EXOC3L4: variants seen among roughly 807,000 people sequenced by gnomAD.
EXOC3L4 encodes the protein exocyst complex component 3-like protein 4.
EXOC3L4 carries 62 observed loss-of-function variants against 69.7 expected under a neutral mutation model. The ratio of observed to expected loss-of-function variants is 0.89; its 90% CI spans 0.72 to 1.10. The LOEUF is 1.10. Among genes scored for constraint, EXOC3L4 ranks in the 50% least tolerant of loss-of-function variants. The pLI is 0.00. For missense variants in EXOC3L4, 1,087 were observed against 1,034.8 expected (o/e 1.05, Z -0.69); for synonymous variants, 502 against 464.2 (o/e 1.08, Z -1.05).
rs545179609 is a variant in EXOC3L4, at chr14:103,097,685, T to G, written c.-16-2519T>G. 2.0e-5 allele frequency among the ~76,000 whole-genome samples: 3 copies of G among 152,248 alleles called. No homozygotes were observed. The highest frequency in any genetic ancestry group is 6.5e-5 in the Admixed American group (1 of 15,298). On this transcript the variant is annotated intron_variant, in intron 1 of 11. Coordinates refer to ENST00000688303, the MANE Select transcript of EXOC3L4 (RefSeq NM_001077594.2). This position sits in a 1 kb window ranked among gnomAD's most constrained non-coding sequence, Gnocchi z 4.9. Reference sequence around the variant, plus strand: ...CACAGGGACAGTGCCGAGTACCCACTGAGCAGATAGATGGTGACGGCCGGT... The same window carrying G: ...CACAGGGACAGTGCCGAGTACCCACGGAGCAGATAGATGGTGACGGCCGGT...
chr14:103,102,382 C>T lies in EXOC3L4; in HGVS notation c.659C>T (p.Ala220Val), dbSNP rs563565267. The change falls in exon 3 of 12, where the codon GCG (alanine) becomes GTG (valine). Residue 220 changes from alanine (A) to valine (V), a missense_variant. By Grantham distance (64) the Ala-to-Val change is moderately conservative. Coordinates refer to ENST00000688303, the MANE Select transcript of EXOC3L4 (RefSeq NM_001077594.2). ...ALAELARVVS[A>V]EEEAHPSPPD... ...GCCGAGCTGGCCCGCGTGGTGAGCG[C>T]GGAGGAGGAAGCCCACCCTTCTCCC... The T allele has an allele frequency of 1.9e-6, 3 of 1,558,072 alleles. No individual in the cohort carries two copies. Among genetic ancestry groups the T allele is most frequent in the African/African-American group, 2.7e-5 (2 of 73,188 alleles).
intron 1 of EXOC3L4, among the ~76,000 whole-genome samples, chr14:103,095,320 C>A (rs1166099299): frequency 6.6e-6 from 1 of 152,234 alleles, no homozygotes; most frequent in African/African-American, 2.4e-5. Flanking sequence ...CCTTGCGGGT[C>A]TCCTGGTCTC....
intron 5 of EXOC3L4, 104 bp from the exon 6 acceptor site, chr14:103,104,634 C>CAGGCACAGCGGGGCGGGCTGG (rs1332664386): frequency 2.7e-5 from 34 of 1,272,694 alleles, no homozygotes; most frequent in Non-Finnish European, 3.2e-5. Context: ...CCAAGACTGA[C>CAGGCACAGCGGGGCGGGCTGG]AGGCACAGCG....
intron 4 of EXOC3L4, 76 bp from the exon 5 acceptor site, chr14:103,104,191 A>T (rs1890394795): frequency 6.9e-7 from 1 of 1,456,328 alleles, no homozygotes; most frequent in East Asian, 2.7e-5. Context: ...GTGACCCGAC[A>T]GGGCGGCCCT....
At chr14:103,104,103 C>G (rs1445489825) in intron 4 of EXOC3L4, 51 bp downstream of exon 4, 1 of 1,474,024 alleles carries the variant, frequency 6.8e-7, no homozygotes, top group Admixed American at 2.4e-5. Flanking sequence ...GGGGCGGGCC[C>G]TGGGGGGATG....
In EXOC3L4 at chr14:103,107,689, G is replaced by T. The variant is rs1410226984; in HGVS notation, c.1760G>T (p.Arg587Met). ...VVREYLARALRPRERFRGMER... is the reference protein window; with the variant it reads ...VVREYLARALMPRERFRGMER... ...CGCGAGTACCTGGCGCGGGCGCTGAGGCCACGGGAGCGGTTCCGGGGCATG... is the reference window on the plus strand; with the variant it reads ...CGCGAGTACCTGGCGCGGGCGCTGATGCCACGGGAGCGGTTCCGGGGCATG... Residue 587 changes from arginine to methionine, a missense_variant, in exon 10 of 12, where the codon AGG becomes ATG. Coordinates refer to ENST00000688303, the MANE Select transcript of EXOC3L4 (RefSeq NM_001077594.2). The T allele has an allele frequency of 6.4e-7, 1 of 1,557,214 alleles. No individual in the cohort carries two copies. Among genetic ancestry groups the T allele is most frequent in the Non-Finnish European group, 8.7e-7 (1 of 1,149,850 alleles).
chr14:103,108,876 C>T lies in EXOC3L4; in HGVS notation c.1976+359C>T, dbSNP rs983964157. 1.5e-4 allele frequency among the ~76,000 whole-genome samples: 23 copies of T among 152,028 alleles called. 1 individual carries two copies. Among genetic ancestry groups the T allele is most frequent in the Admixed American group, 1.4e-3 (22 of 15,276 alleles). ...TTGATCCCGGGTTGTGCTGGGGGGT[C>T]GGTGAGTCATCCAAGCCTTTGGAAA... On this transcript the variant is annotated intron_variant, in intron 11 of 11. Coordinates refer to ENST00000688303, the MANE Select transcript of EXOC3L4 (RefSeq NM_001077594.2).
chr14:103,104,595 T>A, intron 5 of EXOC3L4, 143 bp from the exon 6 acceptor site: 1 of 1,232,508 alleles, frequency 8.1e-7, no homozygotes, highest in Non-Finnish European at 1.1e-6. Context: ...GAGTTGACTC[T>A]CCAGTTGGGC....
chr14:103,101,465 C>T lies in EXOC3L4; in HGVS notation c.395-653C>T, dbSNP rs371056685. ...GAGTGACTTGCCTCAAGTCTCACAG[C>T]GTGGAGAATGGGACCTGAACCCAGA... On this transcript the variant is annotated intron_variant, in intron 2 of 11. Transcript: ENST00000688303. Among the ~76,000 whole-genome samples, 42 of 152,304 alleles carry T rather than the reference C, an allele frequency of 2.8e-4. No individual in the cohort carries two copies. In the South Asian group the frequency reaches 6.8e-3, roughly 25 times the overall value.
At chr14:103,108,662 C>A in intron 11 of EXOC3L4, 145 bp downstream of exon 11, 1 of 1,145,794 alleles carries the variant, frequency 8.7e-7, no homozygotes, top group Non-Finnish European at 1.2e-6. Flanking sequence ...CTCAGACCCT[C>A]AAGGCTGGAG....
In EXOC3L4 at chr14:103,100,322, A is replaced by T; in HGVS notation, c.103A>T (p.Arg35Trp). The T allele has an allele frequency of 6.3e-7, 1 of 1,592,064 alleles. No individual in the cohort carries two copies. Among genetic ancestry groups the T allele is most frequent in the African/African-American group, 1.3e-5 (1 of 74,628 alleles). Reference sequence around the variant, plus strand: ...TCAGGGCTCCCGGCGAACAAGCAGCAGGAAAGAGCCCAATGCCCACCGCAA... The same window carrying T: ...TCAGGGCTCCCGGCGAACAAGCAGCTGGAAAGAGCCCAATGCCCACCGCAA... The part of the protein sequence containing the change: ...PAQGSRRTSS[R>W]KEPNAHRKDG... Residue 35 changes from arginine (R) to tryptophan (W), a missense_variant, in exon 2 of 12, where the codon AGG (arginine) becomes TGG (tryptophan). Coordinates refer to ENST00000688303, the MANE Select transcript of EXOC3L4 (RefSeq NM_001077594.2).
Position 103,107,707 on chromosome 14 carries a change from G to A in EXOC3L4, c.1778G>A (p.Arg593Gln), listed in dbSNP as rs200996746. The stretch of plus-strand genomic sequence containing the variant: ...GCGCTGAGGCCACGGGAGCGGTTCC[G>A]GGGCATGGAGCGCATGCATGGCTCC... Reference protein sequence around the residue: ...ARALRPRERFRGMERMHGSQK... With the variant: ...ARALRPRERFQGMERMHGSQK... Residue 593 changes from arginine to glutamine, a missense_variant, in exon 10 of 12, where the codon CGG becomes CAG. Transcript: ENST00000688303. 72 of 1,552,970 alleles carry A rather than the reference G, an allele frequency of 4.6e-5. 1 individual carries two copies. In the African/African-American group the frequency reaches 7.9e-4, roughly 17 times the overall value.
At position 103,110,247 on chromosome 14, in the gene EXOC3L4, C is replaced by G; in HGVS notation, c.*24C>G. 2.0e-6 allele frequency: 3 copies of G among 1,494,870 alleles called. No individual in the cohort carries two copies. Among genetic ancestry groups the G allele is most frequent in the Non-Finnish European group, 1.8e-6 (2 of 1,122,514 alleles). 92.6% of individuals were successfully genotyped at this position (1,494,870 alleles called of 1,614,324 possible). A position where few individuals can be genotyped will look rare whatever the true frequency, so the allele number is the denominator to read the frequency against. On this transcript the variant is annotated 3_prime_UTR_variant, in exon 12 of 12. Transcript: ENST00000688303. ...AGTTCTCTCTGGCTCGAGGGGGGGC[C>G]GGCCGCTGGCAGGGAGCTGTGGTCA...
Position 103,102,778 on chromosome 14 carries a change from T to G in EXOC3L4, c.1049+6T>G. On this transcript the variant is annotated splice_donor_region_variant and intron_variant, in intron 3 of 11. Coordinates refer to ENST00000688303, the MANE Select transcript of EXOC3L4 (RefSeq NM_001077594.2). ...GCCGCCAACGTCTACGGCAGGTGAG[T>G]CTCGGCCAGGGCGCCCAGTGGCGAG... The G allele has an allele frequency of 7.5e-7, 1 of 1,334,450 alleles. No individual in the cohort carries two copies. Among genetic ancestry groups the G allele is most frequent in the Non-Finnish European group, 9.6e-7 (1 of 1,045,152 alleles). 82.7% of individuals were successfully genotyped at this position (1,334,450 alleles called of 1,614,324 possible). A position where few individuals can be genotyped will look rare whatever the true frequency, so the allele number is the denominator to read the frequency against.
At chr14:103,104,864 G>T (rs1267901567) in intron 6 of EXOC3L4, 26 bp downstream of exon 6, 1 of 1,517,056 alleles carries the variant, frequency 6.6e-7, no homozygotes, top group Non-Finnish European at 8.9e-7. Context: ...CAGTAGGGGA[G>T]CGACCTGGCC....
chr14:103,101,396 G>A (rs568483906), intron 2 of EXOC3L4, among the ~76,000 whole-genome samples: 28 of 152,262 alleles, frequency 1.8e-4, no homozygotes, highest in African/African-American at 4.8e-4. Context: ...TGCAATGGGA[G>A]CCCCCCCATT....
At position 103,100,400 on chromosome 14, in the gene EXOC3L4, A is replaced by G. The variant is rs1209029678; in HGVS notation, c.181A>G (p.Ser61Gly). 5 of 1,611,510 alleles carry G rather than the reference A, an allele frequency of 3.1e-6. No homozygotes were observed. Among genetic ancestry groups the G allele is most frequent in the East Asian group, 4.5e-5 (2 of 44,876 alleles). ...GSLRQAFSRA[S>G]QRALTQVSKE... ...CCTGAGGCAGGCCTTCTCCCGGGCC[A>G]GCCAGCGGGCTTTGACCCAGGTCTC... The change falls in exon 2 of 12, where the codon AGC becomes GGC. Residue 61 changes from serine (S) to glycine (G), a missense_variant. Ser to Gly is a moderately conservative substitution (Grantham distance 56, BLOSUM62 0). Transcript: ENST00000688303.
intron 7 of EXOC3L4, 37 bp downstream of exon 7, chr14:103,105,109 C>T (rs1291179707): frequency 6.4e-7 from 1 of 1,571,812 alleles, no homozygotes. Flanking sequence ...CGCAGCGTGG[C>T]CAGCAGGGGG....
intron 3 of EXOC3L4, among the ~76,000 whole-genome samples, chr14:103,103,277 C>G (rs1384125407): frequency 4.1e-5 from 6 of 145,074 alleles, no homozygotes; most frequent in Admixed American, 7.4e-5. Context: ...ATCGCTTGAA[C>G]CCGGGAGGCG....
Sources: gnomAD v4.1 joint callset for allele counts (sites outside exome capture counted in the v4.1 genomes callset) on GRCh38, gnomAD v4.1.1 for gene constraint, Gnocchi (gnomAD v3.1) non-coding constraint, MANE v1.5 for transcripts, NCBI Gene and HGNC (gene_info 2026-07-23, HGNC 2026-07-21) for gene names.